ZEB1: variants seen among roughly 807,000 people sequenced by gnomAD.
ZEB1 encodes the protein zinc finger E-box-binding homeobox 1.
In ZEB1, 21 loss-of-function variants were observed where a neutral mutation model predicts 84.9. The ratio of observed to expected loss-of-function variants is 0.25; its 90% CI spans 0.18 to 0.36. The LOEUF (loss-of-function observed/expected upper bound fraction) is 0.36. ZEB1 is among the 10% of genes least tolerant of loss of function. ZEB1 has a pLI of 1.00. For missense variants in ZEB1, 1,104 were observed against 1,330.2 expected (o/e 0.83, Z 2.65); for synonymous variants, 420 against 471.1 (o/e 0.89, Z 1.41).
At chr10:31,339,166 C>T (rs1396365928) in intron 1 of ZEB1, among the ~76,000 whole-genome samples, 1 of 152,128 alleles carries the variant, frequency 6.6e-6, no homozygotes, top group Non-Finnish European at 1.5e-5. Flanking sequence ...CATCCTGTAG[C>T]CATATATGCT....
At chr10:31,473,471 A>G (rs1362149641) in intron 2 of ZEB1, among the ~76,000 whole-genome samples, 1 of 152,108 alleles carries the variant, frequency 6.6e-6, no homozygotes, top group Admixed American at 6.5e-5. Context: ...TGCTTCAAAC[A>G]GAATAAAATA....
intron 2 of ZEB1, among the ~76,000 whole-genome samples, chr10:31,474,620 A>C (rs2063791759): frequency 6.6e-6 from 1 of 152,180 alleles, no homozygotes; most frequent in Non-Finnish European, 1.5e-5. Flanking sequence ...GTGGGACTGT[A>C]AACTAGTTCA....
intron 1 of ZEB1, among the ~76,000 whole-genome samples, chr10:31,353,113 A>G (rs1171918278): frequency 6.6e-6 from 1 of 152,202 alleles, no homozygotes; most frequent in Non-Finnish European, 1.5e-5. Flanking sequence ...TCTCATCTGT[A>G]TGACAGTAGT....
At position 31,452,734 on chromosome 10, in the gene ZEB1, T is replaced by A. The variant is rs1003263758; in HGVS notation, c.59-8303T>A. Among the ~76,000 whole-genome samples, 582 of 110,874 alleles carry A rather than the reference T, an allele frequency of 5.2e-3. 3 individuals are homozygous for A. Among genetic ancestry groups the A allele is most frequent in the African/African-American group, 0.029 (541 of 18,694 alleles). 72.7% of individuals were successfully genotyped at this position (110,874 alleles called of 152,430 possible). A position where few individuals can be genotyped will look rare whatever the true frequency, so the allele number is the denominator to read the frequency against. ...GTGTGTGTGTGTGTGTGTGTGTGTG[T>A]GTGTGTGTGAGAGAGAGAGAGAGAG... On this transcript the variant is annotated intron_variant, in intron 1 of 8. Coordinates refer to ENST00000424869, the MANE Select transcript of ZEB1 (RefSeq NM_001174096.2).
chr10:31,319,149 GGGAGGGGTGGAGGC>G, upstream of ZEB1: 6 of 874,356 alleles, frequency 6.9e-6, no homozygotes, highest in Non-Finnish European at 9.0e-6. Flanking sequence ...GTGGGGAGGG[GGGAGGGGTGGAGGC>G]GGAGGGGTGG....
chr10:31,483,446 A>T (rs2065319553), intron 2 of ZEB1, among the ~76,000 whole-genome samples: 1 of 152,048 alleles, frequency 6.6e-6, no homozygotes, highest in Non-Finnish European at 1.5e-5. Flanking sequence ...TCCAACAGAA[A>T]AATACATATA....
chr10:31,351,073 AC>A (rs2041243609), intron 1 of ZEB1, among the ~76,000 whole-genome samples: 1 of 152,180 alleles, frequency 6.6e-6, no homozygotes, highest in African/African-American at 2.4e-5. Context: ...CCAAATAGCA[AC>A]CTTGTGTGAA....
rs1336653612 is a variant in ZEB1 at position 31,409,495 on chromosome 10, C to G, written c.59-51542C>G. 2.0e-5 allele frequency among the ~76,000 whole-genome samples: 3 copies of G among 151,802 alleles called. No individual in the cohort carries two copies. The East Asian group carries it at 5.8e-4, about 29-fold the overall frequency. ...CTTAGGATTGTCTTGGCTATACGGG[C>G]TCTTTTTTGGTTCCGTATGAAGTTT... On this transcript the variant is annotated intron_variant, in intron 1 of 8. Transcript: ENST00000424869.
intron 1 of ZEB1, among the ~76,000 whole-genome samples, chr10:31,322,768 G>A (rs1464695683): frequency 6.8e-6 from 1 of 147,848 alleles, no homozygotes; most frequent in Non-Finnish European, 1.5e-5. Flanking sequence ...TTTTTTGAGA[G>A]AGAGATGTAC....
chr10:31,384,616 T>C (rs2048302310), intron 1 of ZEB1, among the ~76,000 whole-genome samples: 1 of 152,186 alleles, frequency 6.6e-6, no homozygotes, highest in Non-Finnish European at 1.5e-5. Context: ...CAGGGAAGTT[T>C]TGTAGGGAAC....
intron 4 of ZEB1, among the ~76,000 whole-genome samples, chr10:31,502,964 A>C (rs1328648834): frequency 6.6e-6 from 1 of 152,172 alleles, no homozygotes; most frequent in Non-Finnish European, 1.5e-5. Context: ...CAGAGTGTGG[A>C]AAATGCAATA....
rs367703623 is a variant in ZEB1, at chr10:31,385,549, C to T, written c.58+66257C>T. Reference sequence around the variant, plus strand: ...TTTTCTTTTCTTTTTTTTTTTGAGACGGAGTCTAGCTCTGTCACCCAGGCT... The same window carrying T: ...TTTTCTTTTCTTTTTTTTTTTGAGATGGAGTCTAGCTCTGTCACCCAGGCT... On this transcript the variant is annotated intron_variant, in intron 1 of 8. Coordinates refer to ENST00000424869, the MANE Select transcript of ZEB1 (RefSeq NM_001174096.2). 1.8e-3 allele frequency among the ~76,000 whole-genome samples: 267 copies of T among 146,382 alleles called. 2 individuals carry two copies. Among genetic ancestry groups the T allele is most frequent in the African/African-American group, 6.1e-3 (239 of 39,364 alleles).
intron 1 of ZEB1, among the ~76,000 whole-genome samples, chr10:31,436,153 G>A (rs923281761): frequency 6.6e-6 from 1 of 152,114 alleles, no homozygotes; most frequent in Non-Finnish European, 1.5e-5. Context: ...ATGGGAGTTT[G>A]GAATTTATGG....
At chr10:31,499,911 G>A (rs945432947) in intron 3 of ZEB1, among the ~76,000 whole-genome samples, 4 of 152,054 alleles carry the variant, frequency 2.6e-5, no homozygotes, top group African/African-American at 2.4e-5. Flanking sequence ...ATCTCTAAAT[G>A]TGTATATTTA....
intron 2 of ZEB1, among the ~76,000 whole-genome samples, chr10:31,477,807 A>T (rs2064449749): frequency 1.3e-5 from 2 of 152,034 alleles, no homozygotes; most frequent in African/African-American, 4.8e-5. Flanking sequence ...TTGGCCAACC[A>T]CATGCAGAAA....
chr10:31,353,727 G>C (rs528344995), intron 1 of ZEB1, among the ~76,000 whole-genome samples: 1 of 152,172 alleles, frequency 6.6e-6, no homozygotes, highest in African/African-American at 2.4e-5. Flanking sequence ...TCAAAGGTTT[G>C]ATTATGAGTC....
chr10:31,521,220 T>G lies in ZEB1; in HGVS notation c.1888T>G (p.Phe630Val), dbSNP rs1482060417. The G allele has an allele frequency of 6.2e-7, 1 of 1,613,928 alleles. No homozygotes were observed. Among genetic ancestry groups the G allele is most frequent in the Non-Finnish European group, 8.5e-7 (1 of 1,180,008 alleles). ...NLPLDVVKKWFEKMQAGQISV... is the reference protein window; with the variant it reads ...NLPLDVVKKWVEKMQAGQISV... Reference sequence around the variant, plus strand: ...ACCACTGGATGTAGTAAAAAAGTGGTTTGAAAAGATGCAAGCTGGACAGAT... The same window carrying G: ...ACCACTGGATGTAGTAAAAAAGTGGGTTGAAAAGATGCAAGCTGGACAGAT... Residue 630 changes from phenylalanine to valine, a missense_variant, in exon 7 of 9, where the codon TTT (phenylalanine) becomes GTT (valine). Physicochemically the swap from Phe to Val is conservative, Grantham distance 50. This residue lies in a region of ZEB1 where 531 missense variants were observed against 575.2 expected (regional missense o/e 0.92). Transcript: ENST00000424869.
intron 1 of ZEB1, among the ~76,000 whole-genome samples, chr10:31,435,386 T>C (rs918432593): frequency 6.6e-6 from 1 of 152,242 alleles, no homozygotes; most frequent in African/African-American, 2.4e-5. Flanking sequence ...CTTAGGGATA[T>C]GTCAGTTTGT....
intron 1 of ZEB1, among the ~76,000 whole-genome samples, chr10:31,340,406 G>A (rs905187337): frequency 1.3e-5 from 2 of 152,190 alleles, no homozygotes; most frequent in Non-Finnish European, 2.9e-5. Context: ...GTTGAATGGA[G>A]TAGCAGCTAA....
Sources: gnomAD v4.1 joint callset for allele counts (sites outside exome capture counted in the v4.1 genomes callset) on GRCh38, gnomAD v4.1.1 for gene constraint, gnomAD v4.1.1 regional missense constraint, MANE v1.5 for transcripts, NCBI Gene and HGNC (gene_info 2026-07-23, HGNC 2026-07-21) for gene names.